The following CEP83 variants were observed in gnomAD, a reference collection of about 807,000 sequenced individuals.
CEP83 encodes centrosomal protein 83.
CEP83 carries 70 observed loss-of-function variants against 101.9 expected under a neutral mutation model. That is an observed-to-expected ratio of 0.69 (90% CI 0.57 to 0.84). The LOEUF (loss-of-function observed/expected upper bound fraction) is 0.84, where lower values mean the gene tolerates loss of function less well. Ranked by LOEUF, CEP83 falls within the 40% of genes least tolerant of loss-of-function variation. The pLI is 0.00. For synonymous variants in CEP83, 264 were observed against 267.9 expected (o/e 0.99, Z 0.14); for missense variants, 715 against 787.2 (o/e 0.91, Z 1.10).
intron 1 of CEP83, among the ~76,000 whole-genome samples, chr12:94,447,116 T>G (rs1172862209): frequency 6.6e-6 from 1 of 152,206 alleles, no homozygotes; most frequent in African/African-American, 2.4e-5. Context: ...AATAAAGACA[T>G]TTTCAGATAG....
At chr12:94,290,796 A>G in the CEP83 span, among the ~76,000 whole-genome samples, 3 of 152,388 alleles carry the variant, frequency 2.0e-5, no homozygotes, top group Non-Finnish European at 4.4e-5. Context: ...AATTAATATT[A>G]GAATTGAGAA....
intron 14 of CEP83, among the ~76,000 whole-genome samples, chr12:94,321,123 T>C (rs2058727529): frequency 1.3e-5 from 2 of 152,222 alleles, no homozygotes; most frequent in Admixed American, 6.5e-5. Context: ...AAAGAGCCAG[T>C]ATTCAAGTTC....
intron 11 of CEP83, among the ~76,000 whole-genome samples, chr12:94,339,782 T>C (rs1342972620): frequency 6.6e-6 from 1 of 152,208 alleles, no homozygotes; most frequent in Non-Finnish European, 1.5e-5. Flanking sequence ...CTGGCCATTA[T>C]TAGCAAAAAT....
At chr12:94,349,266 C>T (rs562135292) in intron 11 of CEP83, among the ~76,000 whole-genome samples, 2 of 125,200 alleles carry the variant, frequency 1.6e-5, no homozygotes, top group East Asian at 4.5e-4. Flanking sequence ...GCCTGGGTGA[C>T]AAGAGCAAGA....
Position 94,412,541 on chromosome 12 carries a change from A to AT in CEP83, c.-52dup. 1 of 1,541,030 alleles carries AT rather than the reference A, an allele frequency of 6.5e-7. No homozygotes were observed. The highest frequency in any genetic ancestry group is 8.9e-7 in the Non-Finnish European group (1 of 1,122,210). On this transcript the variant is annotated 5_prime_UTR_variant, in exon 3 of 17. Transcript: ENST00000397809. ...CTGTTTTAGTTTTCTTTCCAAGGGT[A>AT]TTTCCCACTCCTTTCTTGCTAAGGC...
At chr12:94,346,857 G>C (rs544878543) in intron 11 of CEP83, among the ~76,000 whole-genome samples, 7 of 152,234 alleles carry the variant, frequency 4.6e-5, no homozygotes, top group Middle Eastern at 3.4e-3. Flanking sequence ...GGGAAACATG[G>C]AGAAACCTTG....
At chr12:94,364,517 C>G (rs2060926772) in intron 11 of CEP83, among the ~76,000 whole-genome samples, 2 of 152,054 alleles carry the variant, frequency 1.3e-5, no homozygotes, top group African/African-American at 4.8e-5. Flanking sequence ...AAAGTTCCAA[C>G]TACTTGGGAG....
At chr12:94,424,212 G>T in intron 2 of CEP83, 4 of 1,610,278 alleles carry the variant, frequency 2.5e-6, no homozygotes, top group Non-Finnish European at 3.4e-6. Context: ...GCTGTGGTGG[G>T]GTCATAGGTC....
rs533874841 is a variant in CEP83, at chr12:94,425,988, G to A, written c.-102+9287C>T. ...ACAAAAAAAATTAGCTGGGCGTGGT[G>A]ACAGGCGCCTGTAGTCCCAGCTACT... On this transcript the variant is annotated intron_variant, in intron 2 of 16. Transcript: ENST00000397809. Among the ~76,000 whole-genome samples the A allele has an allele frequency of 1.4e-3, 206 of 152,116 alleles. 3 individuals carry two copies. Among genetic ancestry groups the A allele is most frequent in the Admixed American group, 0.013 (194 of 15,266 alleles).
At chr12:94,411,623 C>T (rs2063886543) in intron 4 of CEP83, 74 bp downstream of exon 4, 1 of 1,105,368 alleles carries the variant, frequency 9.0e-7, no homozygotes, top group Admixed American at 2.3e-5. Flanking sequence ...TTGCCATATT[C>T]ACCAAAACTA....
the CEP83 span, among the ~76,000 whole-genome samples, chr12:94,275,382 G>C: frequency 6.6e-6 from 1 of 152,232 alleles, no homozygotes; most frequent in African/African-American, 2.4e-5. Context: ...TTCCATCGAG[G>C]TGTCTCCCCC....
intron 14 of CEP83, among the ~76,000 whole-genome samples, chr12:94,316,912 A>G (rs1442979613): frequency 6.6e-6 from 1 of 152,088 alleles, no homozygotes; most frequent in Non-Finnish European, 1.5e-5. Flanking sequence ...TGGCAGAAAG[A>G]TTTATATTCC....
intron 11 of CEP83, among the ~76,000 whole-genome samples, chr12:94,345,022 AG>A (rs921833983): frequency 8.5e-5 from 13 of 152,184 alleles, no homozygotes; most frequent in African/African-American, 3.1e-4. Flanking sequence ...TAATTCAGTG[AG>A]GGAAAAGATA....
intron 1 of CEP83, among the ~76,000 whole-genome samples, chr12:94,439,942 A>C (rs911479938): frequency 6.6e-6 from 1 of 152,112 alleles, no homozygotes; most frequent in Admixed American, 6.5e-5. Flanking sequence ...AACAAAAACC[A>C]CATCATCTCA....
At chr12:94,305,071 T>A, downstream of CEP83, 1 of 652,000 alleles carries the variant, frequency 1.5e-6, no homozygotes, top group Non-Finnish European at 2.7e-6. Flanking sequence ...GAAGAAAATG[T>A]TGGCATCTGT....
At position 94,308,667 on chromosome 12, in the gene CEP83, T is replaced by C. The variant is rs1565883582; in HGVS notation, c.*146A>G. On this transcript the variant is annotated 3_prime_UTR_variant, in exon 17 of 17. Coordinates refer to ENST00000397809, the MANE Select transcript of CEP83 (RefSeq NM_016122.3). Reference sequence around the variant, plus strand: ...TCTTAAAATCCTGACAGTCATACAATACAGCATGTAGTAGGTACCTTTTCT... The same window carrying C: ...TCTTAAAATCCTGACAGTCATACAACACAGCATGTAGTAGGTACCTTTTCT... 5.1e-6 allele frequency: 3 copies of C among 590,436 alleles called. No individual in the cohort carries two copies. Among genetic ancestry groups the C allele is most frequent in the African/African-American group, 1.9e-5 (1 of 53,422 alleles). 36.6% of individuals were successfully genotyped at this position (590,436 alleles called of 1,614,324 possible).
Position 94,335,610 on chromosome 12 carries a change from A to AT in CEP83, c.1397dup (p.Asn466LysfsTer2). 6.3e-7 allele frequency: 1 copy of AT among 1,582,734 alleles called. No homozygotes were observed. Among genetic ancestry groups the AT allele is most frequent in the African/African-American group, 1.4e-5 (1 of 73,582 alleles). On this transcript the variant is annotated frameshift_variant, in exon 12 of 17. Coordinates refer to ENST00000397809, the MANE Select transcript of CEP83 (RefSeq NM_016122.3). LOFTEE classifies it high-confidence loss of function. ...ATACCTGTTTTAGGTCAGAATTTTCATTTTTTTCCTTCTCTGCATTTTCAA... is the reference window on the plus strand; with the variant it reads ...ATACCTGTTTTAGGTCAGAATTTTCATTTTTTTTCCTTCTCTGCATTTTCAA...
chr12:94,428,248 T>C (rs1163204347), intron 2 of CEP83, among the ~76,000 whole-genome samples: 2 of 152,242 alleles, frequency 1.3e-5, no homozygotes, highest in African/African-American at 4.8e-5. Context: ...ATGATTCTTG[T>C]CCAAATTCAT....
chr12:94,387,583 G>T (rs2137312868), intron 6 of CEP83, among the ~76,000 whole-genome samples: 1 of 152,264 alleles, frequency 6.6e-6, no homozygotes, highest in African/African-American at 2.4e-5. Flanking sequence ...AGTGATAACT[G>T]GGACCTAATT....
Sources: gnomAD v4.1 joint callset for allele counts (sites outside exome capture counted in the v4.1 genomes callset) on GRCh38, gnomAD v4.1.1 for gene constraint, MANE v1.5 for transcripts, NCBI Gene and HGNC (gene_info 2026-07-23, HGNC 2026-07-21) for gene names.